Variants in TMED6 observed in about 807,000 individuals in gnomAD.
TMED6 encodes the protein transmembrane p24 trafficking protein 6.
In TMED6, 17 loss-of-function variants were observed where a neutral mutation model predicts 26.5. The observed-to-expected ratio is 0.64, with a 90% CI of 0.44 to 0.96. TMED6 has a LOEUF of 0.96. Among genes scored for constraint, TMED6 ranks in the 40% least tolerant of loss-of-function variants. The pLI, the probability that TMED6 is intolerant of heterozygous loss-of-function variation, is 0.00. For synonymous variants in TMED6, 107 were observed against 106.2 expected, an observed-to-expected ratio of 1.01 and a Z score of -0.04; for missense variants, 309 against 296.5, an observed-to-expected ratio of 1.04 and a Z score of -0.31.
At chr16:69,349,426 T>C (rs1305562449) in intron 2 of TMED6, 99 bp downstream of exon 2, 7 of 1,430,830 alleles carry the variant, frequency 4.9e-6, no homozygotes, top group East Asian at 5.0e-5. Flanking sequence ...GGCTGAATTT[T>C]TTTCCTACTG....
chr16:69,351,599 C>T lies in TMED6; in HGVS notation c.155G>A (p.Gly52Asp), dbSNP rs371735796. 1.4e-5 allele frequency: 23 copies of T among 1,614,020 alleles called. No individual in the cohort carries two copies. The highest frequency in any genetic ancestry group is 1.9e-5 in the Non-Finnish European group (22 of 1,180,048). The change falls in exon 1 of 4, where the codon GGC becomes GAC. Residue 52 changes from glycine (G) to aspartate (D), a missense_variant. Coordinates refer to ENST00000288025, the MANE Select transcript of TMED6 (RefSeq NM_144676.4). ...GGCAAATTGCCAAAAGCATTCCGTG[C>T]CTCCTGGAGGTATCATGATGGCAAA... Reference protein sequence around the residue: ...YDFAIMIPPGGTECFWQFAHQ... With the variant: ...YDFAIMIPPGDTECFWQFAHQ...
At chr16:69,345,528 C>A (rs2012670555) in intron 3 of TMED6, among the ~76,000 whole-genome samples, 1 of 151,384 alleles carries the variant, frequency 6.6e-6, no homozygotes, top group African/African-American at 2.4e-5. Context: ...ACTAAAAATA[C>A]AAAATGTAGG....
intron 3 of TMED6, among the ~76,000 whole-genome samples, chr16:69,343,854 G>T (rs1312607754): frequency 6.6e-6 from 1 of 152,108 alleles, no homozygotes; most frequent in Non-Finnish European, 1.5e-5. Context: ...TATGAGACAG[G>T]GTCTCACTTG....
intron 1 of TMED6, among the ~76,000 whole-genome samples, 185 bp downstream of exon 1, chr16:69,351,356 T>C (rs941503397): frequency 1.3e-5 from 2 of 152,220 alleles, no homozygotes; most frequent in Non-Finnish European, 2.9e-5. Flanking sequence ...CCATATGTTT[T>C]AGCTCCTGTT....
chr16:69,347,258 A>G (rs2012700906), intron 3 of TMED6, among the ~76,000 whole-genome samples: 1 of 152,334 alleles, frequency 6.6e-6, no homozygotes, highest in Admixed American at 6.5e-5. Context: ...TATGAATTAT[A>G]TCTCAATTTA....
chr16:69,347,692 T>A, intron 3 of TMED6, 96 bp downstream of exon 3: 1 of 1,521,714 alleles, frequency 6.6e-7, no homozygotes, highest in Non-Finnish European at 9.0e-7. Flanking sequence ...TCACATCCCC[T>A]TGCCTGTTTG....
chr16:69,344,382 A>T (rs1221021747), intron 3 of TMED6, among the ~76,000 whole-genome samples: 1 of 152,216 alleles, frequency 6.6e-6, no homozygotes, highest in Non-Finnish European at 1.5e-5. Flanking sequence ...GCCACAGACA[A>T]TATGTAATTG....
chr16:69,343,327 G>T lies in TMED6; in HGVS notation c.*80C>A. ...AGACTAAAACATTAATGAGATAATT[G>T]ATTTTTGTCCCATAACATTACAAAG... On this transcript the variant is annotated 3_prime_UTR_variant, in exon 4 of 4. Transcript: ENST00000288025. The T allele has an allele frequency of 8.0e-7, 1 of 1,250,790 alleles. No homozygotes were observed. Among genetic ancestry groups the T allele is most frequent in the Non-Finnish European group, 1.1e-6 (1 of 899,256 alleles). 77.5% of individuals were successfully genotyped at this position (1,250,790 alleles called of 1,614,324 possible).
At chr16:69,350,007 C>A (rs1285174762) in intron 1 of TMED6, among the ~76,000 whole-genome samples, 2 of 152,086 alleles carry the variant, frequency 1.3e-5, no homozygotes, top group Admixed American at 1.3e-4. Flanking sequence ...CGCGGTGGCT[C>A]ACGCCTGTAA....
intron 1 of TMED6, among the ~76,000 whole-genome samples, chr16:69,350,933 A>T (rs1342670502): frequency 1.3e-5 from 2 of 152,232 alleles, no homozygotes; most frequent in African/African-American, 4.8e-5. Flanking sequence ...AACAGCCTCT[A>T]ACTTTCATAC....
intron 3 of TMED6, 28 bp from the exon 4 acceptor site, chr16:69,343,668 T>G (rs757997279): frequency 6.3e-7 from 1 of 1,599,486 alleles, no homozygotes; most frequent in African/African-American, 1.3e-5. Context: ...TTAAGGGGGA[T>G]TCTTCCAAAC....
chr16:69,345,151 C>CCCACA (rs2012663424), intron 3 of TMED6, among the ~76,000 whole-genome samples: 1 of 152,038 alleles, frequency 6.6e-6, no homozygotes, highest in Non-Finnish European at 1.5e-5. Flanking sequence ...GTGGCACACG[C>CCCACA]CTGTAGTCCC....
At chr16:69,345,512 G>A (rs773078399) in intron 3 of TMED6, among the ~76,000 whole-genome samples, 17 of 151,278 alleles carry the variant, frequency 1.1e-4, no homozygotes, top group South Asian at 2.1e-4. Flanking sequence ...TGAAACCCCC[G>A]TCTCTACTAA....
chr16:69,350,008 AC>A (rs2012750217), intron 1 of TMED6, among the ~76,000 whole-genome samples: 1 of 152,138 alleles, frequency 6.6e-6, no homozygotes, highest in African/African-American at 2.4e-5. Flanking sequence ...GCGGTGGCTC[AC>A]GCCTGTAATC....
Position 69,348,626 on chromosome 16 carries a change from T to TA in TMED6, c.341-691_341-690insT, listed in dbSNP as rs912021058. 2.4e-4 allele frequency among the ~76,000 whole-genome samples: 37 copies of TA among 151,854 alleles called. 3 individuals are homozygous for TA. The highest frequency in any genetic ancestry group is 1.9e-3 in the Admixed American group (29 of 15,238). ...AGGGGCCAAAGATGTTCAAGATCTT[T>TA]TTTTTTTTTAGACGAGTCTCGCTCT... On this transcript the variant is annotated intron_variant, in intron 2 of 3. Coordinates refer to ENST00000288025, the MANE Select transcript of TMED6 (RefSeq NM_144676.4).
At chr16:69,343,689 C>A in intron 3 of TMED6, 49 bp from the exon 4 acceptor site, 1 of 1,544,730 alleles carries the variant, frequency 6.5e-7, no homozygotes, top group Non-Finnish European at 8.9e-7. Flanking sequence ...CCCCATCTAG[C>A]CTCACCTGAG....
intron 3 of TMED6, among the ~76,000 whole-genome samples, chr16:69,345,297 A>G (rs2012666214): frequency 6.6e-6 from 1 of 151,816 alleles, no homozygotes; most frequent in African/African-American, 2.4e-5. Flanking sequence ...AAAGAAAGTG[A>G]AAAGACATTG....
chr16:69,346,220 A>C (rs1215325581), intron 3 of TMED6, among the ~76,000 whole-genome samples: 1 of 152,246 alleles, frequency 6.6e-6, no homozygotes, highest in African/African-American at 2.4e-5. Context: ...TGTGGTAAAC[A>C]GTCTCCAGTA....
chr16:69,346,311 G>C (rs561691806), intron 3 of TMED6, among the ~76,000 whole-genome samples: 57 of 152,184 alleles, frequency 3.7e-4, no homozygotes, highest in Admixed American at 6.6e-4. Context: ...CGTTATGATA[G>C]CCAAGAGGTG....
Sources: allele counts gnomAD v4.1 joint callset (sites outside exome capture counted in the v4.1 genomes callset), GRCh38; gene constraint gnomAD v4.1.1; transcripts MANE v1.5; gene names NCBI Gene and HGNC (gene_info 2026-07-23, HGNC 2026-07-21).